The following ADAM21 variants were observed in gnomAD, a reference collection of about 807,000 sequenced individuals.
ADAM21 encodes disintegrin and metalloproteinase domain-containing protein 21.
For synonymous variants in ADAM21, 262 were observed against 306.0 expected (o/e 0.86, Z 1.50); for missense variants, 678 against 874.4 (o/e 0.78, Z 2.83).
Position 70,458,221 on chromosome 14 carries a change from T to G in ADAM21, c.722T>G (p.Ile241Arg), listed in dbSNP as rs780983066. 6.2e-7 allele frequency: 1 copy of G among 1,613,820 alleles called. No individual in the cohort carries two copies. The highest frequency in any genetic ancestry group is 8.5e-7 in the Non-Finnish European group (1 of 1,179,976). The change falls in exon 2 of 2, where the codon ATA becomes AGA. Residue 241 changes from isoleucine to arginine, a missense_variant. By Grantham distance (97) the Ile-to-Arg change is moderately conservative. Coordinates refer to ENST00000603540, the MANE Select transcript of ADAM21 (RefSeq NM_003813.4). ...GAGGATGTATTTCTTGTTGTCAACA[T>G]AGTGGATTCCATGTATAAGCAGTTA... ...VQEDVFLVVN[I>R]VDSMYKQLGT...
Position 70,458,956 on chromosome 14 carries a change from AAGAT to A in ADAM21, c.1463_1466del (p.Arg488MetfsTer57). On this transcript the variant is annotated frameshift_variant, in exon 2 of 2. Transcript: ENST00000603540. LOFTEE classifies it low-confidence loss of function (END_TRUNC). ...AATGGAACATCTCATCAGTGTCCAGAAGATAGATATGTGCAGGACGGGATCCCCT... is the reference window on the plus strand; with the variant it reads ...AATGGAACATCTCATCAGTGTCCAGAAGATATGTGCAGGACGGGATCCCCT... The A allele has an allele frequency of 6.2e-7, 1 of 1,614,200 alleles. No individual in the cohort carries two copies.
In ADAM21 at chr14:70,459,262, T is replaced by C; in HGVS notation, c.1763T>C (p.Val588Ala). 6.2e-7 allele frequency: 1 copy of C among 1,614,200 alleles called. No individual in the cohort carries two copies. Among genetic ancestry groups the C allele is most frequent in the Non-Finnish European group, 8.5e-7 (1 of 1,180,032 alleles). Residue 588 changes from valine (V) to alanine (A), a missense_variant, in exon 2 of 2, where the codon GTC (valine) becomes GCC (alanine). Transcript: ENST00000603540. ...TTGCAGCACACTCATATCAATGGTG[T>C]CACCTGCTGGGGTATTGACTATCAT... is the stretch of plus-strand genomic sequence containing the variant. ...FTLQHTHING[V>A]TCWGIDYHLR...
chr14:70,456,182 A>G (rs1882402182), intron 1 of ADAM21, among the ~76,000 whole-genome samples: 2 of 152,198 alleles, frequency 1.3e-5, no homozygotes. Context: ...TGAATACAAT[A>G]TTACTGACCT....
At position 70,457,374 on chromosome 14, in the gene ADAM21, C is replaced by T. The variant is rs545760078; in HGVS notation, c.-126C>T. The T allele has an allele frequency of 1.4e-6, 2 of 1,464,004 alleles. No homozygotes were observed. The highest frequency in any genetic ancestry group is 1.9e-6 in the Non-Finnish European group (2 of 1,066,892). 90.7% of individuals were successfully genotyped at this position (1,464,004 alleles called of 1,614,324 possible). A position where few individuals can be genotyped will look rare whatever the true frequency, so the allele number is the denominator to read the frequency against. On this transcript the variant is annotated 5_prime_UTR_variant, in exon 2 of 2. Transcript: ENST00000603540. ...CACTGCAGTTCTGATCTAACTCTGC[C>T]AGGACACAGATCCACAGGGTCAGCC...
At position 70,458,442 on chromosome 14, in the gene ADAM21, A is replaced by C. The variant is rs770410072; in HGVS notation, c.943A>C (p.Ile315Leu). The part of the protein sequence containing the change: ...SILGLAYVAG[I>L]CRPPIDCGVD... ...ACTTGGCCTAGCCTATGTTGCAGGAATATGTCGTCCACCTATTGATTGTGG... is the reference window on the plus strand; with the variant it reads ...ACTTGGCCTAGCCTATGTTGCAGGACTATGTCGTCCACCTATTGATTGTGG... Residue 315 changes from isoleucine (I) to leucine (L), a missense_variant, in exon 2 of 2, where the codon ATA (isoleucine) becomes CTA (leucine). By Grantham distance (5) the Ile-to-Leu change is conservative. Transcript: ENST00000603540. 6.2e-7 allele frequency: 1 copy of C among 1,614,146 alleles called. No individual in the cohort carries two copies. The highest frequency in any genetic ancestry group is 1.1e-5 in the South Asian group (1 of 91,076).
rs1225114049 is a variant in ADAM21, at chr14:70,458,713, T to C, written c.1214T>C (p.Met405Thr). 8 of 1,613,980 alleles carry C rather than the reference T, an allele frequency of 5.0e-6. No homozygotes were observed. Among genetic ancestry groups the C allele is most frequent in the Middle Eastern group, 1.6e-4 (1 of 6,084 alleles). ...HNPPRLGEIFMLKRCGNGVVE... is the reference protein window; with the variant it reads ...HNPPRLGEIFTLKRCGNGVVE... ...CCTCCAAGATTGGGGGAAATCTTTA[T>C]GCTAAAGCGCTGTGGGAATGGTGTG... Residue 405 changes from methionine (M) to threonine (T), a missense_variant, in exon 2 of 2, where the codon ATG becomes ACG. Coordinates refer to ENST00000603540, the MANE Select transcript of ADAM21 (RefSeq NM_003813.4).
chr14:70,459,408 G>C lies in ADAM21; in HGVS notation c.1909G>C (p.Glu637Gln). 1 of 1,614,230 alleles carries C rather than the reference G, an allele frequency of 6.2e-7. No individual in the cohort carries two copies. The highest frequency in any genetic ancestry group is 8.5e-7 in the Non-Finnish European group (1 of 1,180,040). Residue 637 changes from glutamate (E) to glutamine (Q), a missense_variant, in exon 2 of 2, where the codon GAG becomes CAG. By Grantham distance (29) the Glu-to-Gln change is conservative (BLOSUM62 2). Transcript: ENST00000603540. ...TGTCTTGTCACATGTCTGCCTTCCT[G>C]AGACCTGCAATATGAAGGGGATCTG... ...LSVLSHVCLP[E>Q]TCNMKGICNN...
rs369445961 is a variant in ADAM21, at chr14:70,459,115, G to C, written c.1616G>C (p.Arg539Pro). ...CYKEINSQGN[R>P]FGHCGINGTT... ...AAAGAAATCAATTCTCAGGGAAACC[G>C]TTTTGGTCACTGTGGTATAAATGGC... is the stretch of plus-strand genomic sequence containing the variant. The change falls in exon 2 of 2, where the codon CGT becomes CCT. Residue 539 changes from arginine to proline, a missense_variant. Transcript: ENST00000603540. 6.8e-6 allele frequency: 11 copies of C among 1,611,842 alleles called. No individual in the cohort carries two copies. The highest frequency in any genetic ancestry group is 1.6e-4 in the Middle Eastern group (1 of 6,072).
chr14:70,454,644 TTG>T (rs1889081262), intron 1 of ADAM21, among the ~76,000 whole-genome samples: 1 of 152,194 alleles, frequency 6.6e-6, no homozygotes, highest in South Asian at 2.1e-4. Context: ...ATGAAATTTT[TTG>T]TGTGTTGACA....
In ADAM21 at chr14:70,457,767, T is replaced by A; in HGVS notation, c.268T>A (p.Phe90Ile). 1 of 1,613,230 alleles carries A rather than the reference T, an allele frequency of 6.2e-7. No homozygotes were observed. The highest frequency in any genetic ancestry group is 1.7e-4 in the Middle Eastern group (1 of 6,012). ...KLLVSRHLPV[F>I]TYTDDRALLE... is the part of the protein sequence containing the mutation. ...CTTAGTTTCTAGACACCTCCCAGTG[T>A]TCACCTACACAGATGACCGTGCACT... Residue 90 changes from phenylalanine to isoleucine, a missense_variant, in exon 2 of 2, where the codon TTC (phenylalanine) becomes ATC (isoleucine). Coordinates refer to ENST00000603540, the MANE Select transcript of ADAM21 (RefSeq NM_003813.4).
rs781442903 is a variant in ADAM21 at position 70,457,637 on chromosome 14, G to C, written c.138G>C (p.Leu46Phe). ...HFTSPEVVIPLKVISRGRSAK... is the reference protein window; with the variant it reads ...HFTSPEVVIPFKVISRGRSAK... ...CTTCCCCGGAAGTGGTGATCCCCTT[G>C]AAGGTGATCAGCAGGGGCAGAAGTG... is the stretch of plus-strand genomic sequence containing the variant. Residue 46 changes from leucine to phenylalanine, a missense_variant, in exon 2 of 2, where the codon TTG becomes TTC. Physicochemically the swap from Leu to Phe is conservative, Grantham distance 22 (BLOSUM62 0). Transcript: ENST00000603540. The C allele has an allele frequency of 1.5e-5, 24 of 1,613,824 alleles. No homozygotes were observed. The highest frequency in any genetic ancestry group is 2.0e-5 in the Non-Finnish European group (24 of 1,179,928).
intron 1 of ADAM21, among the ~76,000 whole-genome samples, chr14:70,455,209 A>T: frequency 6.6e-6 from 1 of 152,224 alleles, no homozygotes; most frequent in Non-Finnish European, 1.5e-5. Context: ...CAAAGAAAGC[A>T]TTGATTAGAA....
rs142868127 is a variant in ADAM21, at chr14:70,452,219, C to T, written c.-196C>T. The T allele has an allele frequency of 9.8e-5, 15 of 152,338 alleles. No homozygotes were observed. The East Asian group carries it at 2.7e-3, about 27-fold the overall frequency. 9.4% of individuals were successfully genotyped at this position (152,338 alleles called of 1,614,324 possible). On this transcript the variant is annotated 5_prime_UTR_variant, in exon 1 of 2. Transcript: ENST00000603540. ...AACCATTGATAAAGCATGGTATAAACCATCTAGACAGAAATGGCCATGGAA... is the reference window on the plus strand; with the variant it reads ...AACCATTGATAAAGCATGGTATAAATCATCTAGACAGAAATGGCCATGGAA...
rs137950449 is a variant in ADAM21, at chr14:70,459,554, G to T, written c.2055G>T (p.Pro685=). The change falls in exon 2 of 2, where the codon CCG becomes CCT. Residue 685 remains proline, a synonymous_variant. Transcript: ENST00000603540. ...CTGCAAAGAGAGGAGTTTTTTTGCC[G>T]CTGATTGTGATTCCTTCTTTGTCTG... is the stretch of plus-strand genomic sequence containing the variant. ...PASAKRGVFL[P]LIVIPSLSVL... is the part of the protein sequence containing the mutation. 4 of 1,613,994 alleles carry T rather than the reference G, an allele frequency of 2.5e-6. No individual in the cohort carries two copies. Among genetic ancestry groups the T allele is most frequent in the Non-Finnish European group, 3.4e-6 (4 of 1,180,010 alleles).
At position 70,457,724 on chromosome 14, in the gene ADAM21, T is replaced by C; in HGVS notation, c.225T>C (p.His75=). 6.2e-7 allele frequency: 1 copy of C among 1,613,808 alleles called. No individual in the cohort carries two copies. Among genetic ancestry groups the C allele is most frequent in the Non-Finnish European group, 8.5e-7 (1 of 1,179,822 alleles). ...TTGGGGGCCAGAAACACGTTGTTCA[T>C]ATGAGGGTCAAGAAGCTCTTAGTTT... ...LRFGGQKHVV[H]MRVKKLLVSR... Residue 75 remains histidine (H), a synonymous_variant, in exon 2 of 2, where the codon CAT becomes CAC. Transcript: ENST00000603540.
At chr14:70,452,672 CAT>C (rs1352522383) in intron 1 of ADAM21, among the ~76,000 whole-genome samples, 1 of 152,166 alleles carries the variant, frequency 6.6e-6, no homozygotes, top group East Asian at 1.9e-4. Flanking sequence ...GGCGTGTTTT[CAT>C]TTTTAAAGAT....
rs1160466620 is a variant in ADAM21 at position 70,457,511 on chromosome 14, T to A, written c.12T>A (p.Asp4Glu). The stretch of plus-strand genomic sequence containing the variant: ...ACGACAGCTTCATAATGGCAGTGGA[T>A]GGGACCCTCGTGTACATCAGAGTCA... Reference protein sequence around the residue: MAVDGTLVYIRVTL... With the variant: MAVEGTLVYIRVTL... The change falls in exon 2 of 2, where the codon GAT becomes GAA. Residue 4 changes from aspartate to glutamate, a missense_variant. Coordinates refer to ENST00000603540, the MANE Select transcript of ADAM21 (RefSeq NM_003813.4). 1 of 1,591,070 alleles carries A rather than the reference T, an allele frequency of 6.3e-7. No individual in the cohort carries two copies. Among genetic ancestry groups the A allele is most frequent in the Non-Finnish European group, 8.6e-7 (1 of 1,164,372 alleles).
intron 1 of ADAM21, among the ~76,000 whole-genome samples, chr14:70,456,953 T>G (rs566725446): frequency 6.6e-6 from 1 of 152,370 alleles, no homozygotes; most frequent in Admixed American, 6.5e-5. Flanking sequence ...TGTGATTATT[T>G]TTGATGTCTC....
At position 70,458,107 on chromosome 14, in the gene ADAM21, G is replaced by A. The variant is rs757125282; in HGVS notation, c.608G>A (p.Trp203Ter). The change falls in exon 2 of 2, where the codon TGG (tryptophan) becomes TAG (stop). Residue 203 changes from tryptophan to a stop codon, truncating the protein, a stop_gained. Coordinates refer to ENST00000603540, the MANE Select transcript of ADAM21 (RefSeq NM_003813.4). LOFTEE classifies it low-confidence loss of function (END_TRUNC). ...SALEPKSAGD[W>*]WTHAWFLELV... ...CTGGAACCAAAATCTGCTGGTGACT[G>A]GTGGACTCATGCATGGTTTCTGGAG... 2.4e-5 allele frequency: 38 copies of A among 1,613,976 alleles called. No homozygotes were observed. Among genetic ancestry groups the A allele is most frequent in the Non-Finnish European group, 3.2e-5 (38 of 1,180,022 alleles).
Sources: gnomAD v4.1 joint callset for allele counts (sites outside exome capture counted in the v4.1 genomes callset) on GRCh38, gnomAD v4.1.1 for gene constraint, MANE v1.5 for transcripts, NCBI Gene and HGNC (gene_info 2026-07-23, HGNC 2026-07-21) for gene names.